CD2: variants seen among roughly 807,000 people sequenced by gnomAD.
The protein encoded by CD2 is CD2 molecule, also known as T-cell surface antigen CD2.
CD2 carries 18 observed loss-of-function variants against 23.2 expected under a neutral mutation model. That is an observed-to-expected ratio of 0.77 (90% confidence interval 0.54 to 1.15). The LOEUF (loss-of-function observed/expected upper bound fraction) is 1.15, where lower values mean the gene tolerates loss of function less well. CD2 is among the 50% of genes most tolerant of loss of function. The pLI, the probability that CD2 is intolerant of heterozygous loss-of-function variation, is 0.00. For synonymous variants in CD2, 162 were observed against 151.9 expected (o/e 1.07, Z -0.49); for missense variants, 424 against 423.1 (o/e 1.00, Z -0.02).
intron 3 of CD2, 95 bp from the exon 4 acceptor site, chr1:116,764,389 C>T: frequency 1.3e-6 from 2 of 1,529,620 alleles, no homozygotes; most frequent in Non-Finnish European, 1.7e-6. Context: ...ACAAGCTCTT[C>T]TATCTGCTTG....
intron 3 of CD2, among the ~76,000 whole-genome samples, chr1:116,761,829 T>G (rs1446602601): frequency 6.6e-6 from 1 of 152,180 alleles, no homozygotes; most frequent in Admixed American, 6.5e-5. Context: ...TTGCCTCTCC[T>G]TGACTTCGCA....
At chr1:116,755,476 G>A (rs956535785) in intron 2 of CD2, among the ~76,000 whole-genome samples, 7 of 152,160 alleles carry the variant, frequency 4.6e-5, no homozygotes, top group Non-Finnish European at 8.8e-5. Flanking sequence ...GATACAAGGT[G>A]GCAGGTGATT....
In CD2 at chr1:116,754,848, A is replaced by G; in HGVS notation, c.279A>G (p.Lys93=). 3 of 1,612,980 alleles carry G rather than the reference A, an allele frequency of 1.9e-6. No individual in the cohort carries two copies. The highest frequency in any genetic ancestry group is 2.5e-6 in the Non-Finnish European group (3 of 1,178,990). ...AGCTATTTAAAAATGGAACTCTGAA[A>G]ATTAAGCATCTGAAGACCGATGATC... ...TYKLFKNGTL[K]IKHLKTDDQD... Residue 93 remains lysine (K), a synonymous_variant, in exon 2 of 5, where the codon AAA becomes AAG. Transcript: ENST00000369478.
intron 2 of CD2, 52 bp from the exon 3 acceptor site, chr1:116,760,350 A>G: frequency 6.9e-7 from 1 of 1,459,128 alleles, no homozygotes; most frequent in Non-Finnish European, 9.5e-7. Context: ...AGATATGTTT[A>G]TTAAAATCAG....
At chr1:116,760,664 C>G (rs746014293) in intron 3 of CD2, 32 bp downstream of exon 3, 1 of 1,534,966 alleles carries the variant, frequency 6.5e-7, no homozygotes, top group Non-Finnish European at 9.0e-7. Context: ...ACAAACACAG[C>G]CTGCCAGGCC....
rs369219837 is a variant in CD2, at chr1:116,764,561, G to C, written c.691G>C (p.Val231Leu). 7.4e-5 allele frequency: 120 copies of C among 1,613,896 alleles called. No homozygotes were observed. The highest frequency in any genetic ancestry group is 1.0e-4 in the Non-Finnish European group (118 of 1,180,008). ...SLLMVFVALL[V>L]FYITKRKKQR... is the part of the protein sequence containing the mutation. ...CTTGATGGTCTTTGTGGCACTGCTC[G>C]TTTTCTATATCACCAAAAGGAAAAA... Residue 231 changes from valine to leucine, a missense_variant, in exon 4 of 5, where the codon GTT becomes CTT. By Grantham distance (32) the Val-to-Leu change is conservative. Coordinates refer to ENST00000369478, the MANE Select transcript of CD2 (RefSeq NM_001767.5).
At chr1:116,760,366 T>A in intron 2 of CD2, 36 bp from the exon 3 acceptor site, 1 of 1,549,758 alleles carries the variant, frequency 6.5e-7, no homozygotes, top group Non-Finnish European at 8.9e-7. Context: ...ATCAGAAAAT[T>A]GCCTAAATTG....
Position 116,769,066 on chromosome 1 carries a change from C to G in CD2, c.*283C>G. ...CACAGAAATCTTAGAGATTTCTTGT[C>G]CCCTCTCAGGTCATGTGTAGATGCG... On this transcript the variant is annotated 3_prime_UTR_variant, in exon 5 of 5. Coordinates refer to ENST00000369478, the MANE Select transcript of CD2 (RefSeq NM_001767.5). 2.6e-6 allele frequency: 1 copy of G among 391,998 alleles called. No individual in the cohort carries two copies. The highest frequency in any genetic ancestry group is 4.2e-5 in the Admixed American group (1 of 23,562). 24.3% of individuals were successfully genotyped at this position (391,998 alleles called of 1,614,324 possible).
chr1:116,767,562 G>C (rs1039478218), intron 4 of CD2, among the ~76,000 whole-genome samples: 1 of 148,722 alleles, frequency 6.7e-6, no homozygotes, highest in African/African-American at 2.5e-5. Flanking sequence ...TTGCACTCTA[G>C]CCTGGGCAAC....
chr1:116,759,157 T>C (rs1651955289), intron 2 of CD2, among the ~76,000 whole-genome samples: 1 of 152,234 alleles, frequency 6.6e-6, no homozygotes, highest in African/African-American at 2.4e-5. Context: ...GTACTAACTC[T>C]GTTGCTGAAT....
chr1:116,755,925 G>A (rs532817958), intron 2 of CD2, among the ~76,000 whole-genome samples: 2 of 152,250 alleles, frequency 1.3e-5, no homozygotes, highest in African/African-American at 4.8e-5. Context: ...GAGGCAGACA[G>A]GAACCCCAGC....
At chr1:116,762,214 A>C (rs1017613556) in intron 3 of CD2, among the ~76,000 whole-genome samples, 8 of 152,238 alleles carry the variant, frequency 5.3e-5, no homozygotes, top group African/African-American at 1.9e-4. Context: ...GAACATACTT[A>C]TGCAAGAAAT....
chr1:116,765,898 A>G (rs1652201658), intron 4 of CD2, among the ~76,000 whole-genome samples: 1 of 152,268 alleles, frequency 6.6e-6, no homozygotes, highest in Non-Finnish European at 1.5e-5. Context: ...TATGTCTATT[A>G]GTGCATCCAG....
chr1:116,756,930 C>T (rs1651869414), intron 2 of CD2, among the ~76,000 whole-genome samples: 1 of 151,814 alleles, frequency 6.6e-6, no homozygotes, highest in Admixed American at 6.6e-5. Flanking sequence ...GTGCCTGGGG[C>T]ACAATGCCTG....
In CD2 at chr1:116,768,863, G is replaced by C. The variant is rs1294624175; in HGVS notation, c.*80G>C. The C allele has an allele frequency of 2.2e-6, 3 of 1,381,970 alleles. No homozygotes were observed. Among genetic ancestry groups the C allele is most frequent in the Non-Finnish European group, 9.9e-7 (1 of 1,009,548 alleles). 85.6% of individuals were successfully genotyped at this position (1,381,970 alleles called of 1,614,324 possible). On this transcript the variant is annotated 3_prime_UTR_variant, in exon 5 of 5. Coordinates refer to ENST00000369478, the MANE Select transcript of CD2 (RefSeq NM_001767.5). ...GATGTGCATATCCGTACTTCCATGA[G>C]GTGTTTTCTGTGTGCAGAACATTGT...
In CD2 at chr1:116,768,472, C is replaced by A; in HGVS notation, c.745C>A (p.Leu249Met). Residue 249 changes from leucine (L) to methionine (M), a missense_variant, in exon 5 of 5, where the codon CTG (leucine) becomes ATG (methionine). Transcript: ENST00000369478. ...KQRSRRNDEE[L>M]ETRAHRVATE... is the part of the protein sequence containing the mutation. ...AGGTTTTGTTGTTGCAGATGAGGAG[C>A]TGGAGACAAGAGCCCACAGAGTAGC... 1 of 1,613,368 alleles carries A rather than the reference C, an allele frequency of 6.2e-7. No individual in the cohort carries two copies. Among genetic ancestry groups the A allele is most frequent in the Non-Finnish European group, 8.5e-7 (1 of 1,179,472 alleles).
chr1:116,754,591 C>G, intron 1 of CD2, 38 bp downstream of exon 1: 1 of 1,609,608 alleles, frequency 6.2e-7, no homozygotes, highest in South Asian at 1.1e-5. Flanking sequence ...ACCCAGCTTT[C>G]CCTGAAAGTG....
At chr1:116,756,123 C>T (rs942985981) in intron 2 of CD2, among the ~76,000 whole-genome samples, 3 of 152,232 alleles carry the variant, frequency 2.0e-5, no homozygotes, top group South Asian at 4.2e-4. Context: ...CTGTCAGCTC[C>T]CCTGAAGTGA....
At chr1:116,759,476 G>A (rs1305237080) in intron 2 of CD2, among the ~76,000 whole-genome samples, 1 of 152,060 alleles carries the variant, frequency 6.6e-6, no homozygotes, top group East Asian at 1.9e-4. Context: ...CACACAGCTA[G>A]GAAGTGATGG....
Sources: allele counts gnomAD v4.1 joint callset (sites outside exome capture counted in the v4.1 genomes callset), GRCh38; gene constraint gnomAD v4.1.1; transcripts MANE v1.5; gene names NCBI Gene and HGNC (gene_info 2026-07-23, HGNC 2026-07-21).